Variants in ATAD2B observed in about 807,000 individuals in gnomAD.
ATAD2B encodes ATPase family AAA domain containing 2B.
Under a neutral mutation model 167.6 loss-of-function variants are expected in ATAD2B, and 40 were observed. The ratio of observed to expected loss-of-function variants is 0.24; its 90% CI spans 0.19 to 0.31. ATAD2B has a LOEUF of 0.31. Ranked by LOEUF, ATAD2B falls within the 10% of genes least tolerant of loss-of-function variation. ATAD2B has a pLI of 1.00. For missense variants in ATAD2B, 1,242 were observed against 1,757.2 expected (o/e 0.71, Z 5.24); for synonymous variants, 579 against 596.5 (o/e 0.97, Z 0.43).
chr2:23,688,277 A>G, the ATAD2B span, among the ~76,000 whole-genome samples: 7 of 152,222 alleles, frequency 4.6e-5, no homozygotes, highest in East Asian at 1.9e-4. Context: ...CCAGGCGTTC[A>G]TTCATGGGCG....
chr2:23,837,698 A>G (rs1690227688), intron 13 of ATAD2B, among the ~76,000 whole-genome samples: 1 of 152,244 alleles, frequency 6.6e-6, no homozygotes, highest in South Asian at 2.1e-4. Flanking sequence ...AAAAAGAAAA[A>G]ATACAGTAGT....
At chr2:23,841,562 C>T (rs1347410546) in intron 13 of ATAD2B, among the ~76,000 whole-genome samples, 1 of 152,112 alleles carries the variant, frequency 6.6e-6, no homozygotes, top group Admixed American at 6.6e-5. Context: ...GTTGCCCAGG[C>T]TGGAGTACGG....
intron 1 of ATAD2B, among the ~76,000 whole-genome samples, chr2:23,921,841 T>A (rs1703977246): frequency 6.6e-6 from 1 of 152,168 alleles, no homozygotes; most frequent in Admixed American, 6.5e-5. Flanking sequence ...AAGGAAAAAC[T>A]TGCTCTGTTC....
intron 1 of ATAD2B, among the ~76,000 whole-genome samples, chr2:23,924,418 G>A (rs1365850690): frequency 6.6e-6 from 1 of 152,172 alleles, no homozygotes; most frequent in Admixed American, 6.5e-5. Context: ...TCCAGAAAGG[G>A]TGAACCAGGA....
the ATAD2B span, among the ~76,000 whole-genome samples, chr2:23,712,128 G>A: frequency 1.2e-4 from 19 of 152,272 alleles, no homozygotes; most frequent in South Asian, 3.7e-3. Flanking sequence ...TAAGCAGAGA[G>A]CAGGTTTACA....
At chr2:23,824,930 C>T (rs996809531) in intron 15 of ATAD2B, among the ~76,000 whole-genome samples, 1 of 151,956 alleles carries the variant, frequency 6.6e-6, no homozygotes, top group Non-Finnish European at 1.5e-5. Flanking sequence ...CTTCAACAAA[C>T]AATACCAGGT....
chr2:23,895,403 A>G (rs1481286178), intron 2 of ATAD2B, among the ~76,000 whole-genome samples: 1 of 152,144 alleles, frequency 6.6e-6, no homozygotes, highest in African/African-American at 2.4e-5. Flanking sequence ...TAAAAACAGG[A>G]TAATAGATGA....
chr2:23,779,776 T>C (rs537882381), intron 22 of ATAD2B, among the ~76,000 whole-genome samples: 1 of 152,188 alleles, frequency 6.6e-6, no homozygotes, highest in Non-Finnish European at 1.5e-5. Context: ...CAAAATATTA[T>C]AGGAATGACA....
At chr2:23,736,580 A>G in the ATAD2B span, among the ~76,000 whole-genome samples, 2 of 152,192 alleles carry the variant, frequency 1.3e-5, no homozygotes, top group African/African-American at 2.4e-5. Context: ...AGATGGCCAA[A>G]TAAGAACAGC....
At chr2:23,842,490 G>C (rs1691075127) in intron 13 of ATAD2B, among the ~76,000 whole-genome samples, 1 of 152,116 alleles carries the variant, frequency 6.6e-6, no homozygotes, top group African/African-American at 2.4e-5. Context: ...CTCAGAGAAT[G>C]GAAACACGGT....
At chr2:23,909,778 T>A (rs1702002821) in intron 1 of ATAD2B, among the ~76,000 whole-genome samples, 1 of 152,202 alleles carries the variant, frequency 6.6e-6, no homozygotes, top group Non-Finnish European at 1.5e-5. Flanking sequence ...TAATACTTAT[T>A]TCATACTTTT....
chr2:23,688,348 C>T, the ATAD2B span, among the ~76,000 whole-genome samples: 1 of 152,210 alleles, frequency 6.6e-6, no homozygotes. Flanking sequence ...GTCCCTCACC[C>T]ACCACTGCCC....
chr2:23,680,002 G>A, the ATAD2B span, among the ~76,000 whole-genome samples: 1 of 152,326 alleles, frequency 6.6e-6, no homozygotes, highest in East Asian at 1.9e-4. The surrounding 1 kb of genome is among the most constrained non-coding windows in gnomAD (Gnocchi z 4.1). Context: ...CGGAGGGAAC[G>A]GGGAGACCTC....
the ATAD2B span, among the ~76,000 whole-genome samples, chr2:23,687,777 A>C: frequency 6.6e-6 from 1 of 152,168 alleles, no homozygotes; most frequent in Non-Finnish European, 1.5e-5. Flanking sequence ...CAGGTCCCAC[A>C]GGTGACTCCA....
intron 17 of ATAD2B, among the ~76,000 whole-genome samples, chr2:23,818,312 A>AAG (rs1238272239): frequency 2.2e-5 from 3 of 134,142 alleles, no homozygotes; most frequent in Non-Finnish European, 3.3e-5. Context: ...GAGAGAGAGA[A>AAG]AGAGAGAGAG....
In ATAD2B at chr2:23,754,629, G is replaced by A. The variant is rs771443076; in HGVS notation, c.4206+18C>T. The A allele has an allele frequency of 6.2e-7, 1 of 1,603,438 alleles. No homozygotes were observed. Among genetic ancestry groups the A allele is most frequent in the Non-Finnish European group, 8.5e-7 (1 of 1,176,084 alleles). On this transcript the variant is annotated intron_variant, in intron 26 of 27. Transcript: ENST00000238789. Reference sequence around the variant, plus strand: ...CCGTCCATTCATTTAAAACTTGACTGGGAATAGCTAAGCTTACCTTCAATC... The same window carrying A: ...CCGTCCATTCATTTAAAACTTGACTAGGAATAGCTAAGCTTACCTTCAATC...
the ATAD2B span, among the ~76,000 whole-genome samples, chr2:23,742,736 T>TA: frequency 2.9e-3 from 436 of 148,004 alleles, 1 homozygote; most frequent in African/African-American, 9.9e-3. Flanking sequence ...AGTGGAACAA[T>TA]AAAAAAAAAA....
the ATAD2B span, among the ~76,000 whole-genome samples, chr2:23,709,874 C>T: frequency 1.3e-5 from 2 of 152,164 alleles, no homozygotes; most frequent in African/African-American, 4.8e-5. Context: ...TCCTGTCTAC[C>T]TCATTTCCCT....
At chr2:23,782,484 G>C (rs561317500) in intron 22 of ATAD2B, among the ~76,000 whole-genome samples, 1 of 152,176 alleles carries the variant, frequency 6.6e-6, no homozygotes, top group Non-Finnish European at 1.5e-5. Flanking sequence ...TCTACATAAA[G>C]AACAGATAAC....
Sources: gnomAD v4.1 joint callset for allele counts (sites outside exome capture counted in the v4.1 genomes callset) on GRCh38, gnomAD v4.1.1 for gene constraint, Gnocchi (gnomAD v3.1) non-coding constraint, MANE v1.5 for transcripts, NCBI Gene and HGNC (gene_info 2026-07-23, HGNC 2026-07-21) for gene names.